ANKFN1: variants seen among roughly 807,000 people sequenced by gnomAD.
ANKFN1 encodes ankyrin repeat and fibronectin type III domain containing 1.
Under a neutral mutation model 108.7 loss-of-function variants are expected in ANKFN1, and 74 were observed. The ratio of observed to expected loss-of-function variants is 0.68; its 90% CI spans 0.56 to 0.83. The LOEUF (loss-of-function observed/expected upper bound fraction) is 0.83. ANKFN1 is among the 40% of genes least tolerant of loss of function. The probability of loss-of-function intolerance (pLI) is 0.00; values close to 1 mark genes in which losing one functional copy is unlikely to be tolerated. For missense variants in ANKFN1, 1,505 were observed against 1,382.3 expected, an observed-to-expected ratio of 1.09 and a Z score of -1.41; for synonymous variants, 547 against 516.2, an observed-to-expected ratio of 1.06 and a Z score of -0.81.
At chr17:56,109,887 T>C (rs1277141621) in intron 4 of ANKFN1, among the ~76,000 whole-genome samples, 4 of 152,204 alleles carry the variant, frequency 2.6e-5, no homozygotes, top group Non-Finnish European at 4.4e-5. Context: ...CTGTTGATAT[T>C]AGAACACAAT....
intron 2 of ANKFN1, 36 bp from the exon 3 acceptor site, chr17:56,227,881 A>G: frequency 1.3e-6 from 2 of 1,574,648 alleles, no homozygotes; most frequent in Non-Finnish European, 1.7e-6. Context: ...TTACTGTACA[A>G]TTTTTTAACA....
In ANKFN1 at chr17:56,141,793, G is replaced by C. The variant is rs150748299; in HGVS notation, c.289-86124G>C. Among the ~76,000 whole-genome samples, 19 of 152,096 alleles carry C rather than the reference G, an allele frequency of 1.2e-4. No homozygotes were observed. In the East Asian group the frequency reaches 3.7e-3, roughly 29 times the overall value. ...GAAGCAGAACAATCAGTGTGGGGGTGGATAATTTCCACAAATTCATGAACT... is the reference window on the plus strand; with the variant it reads ...GAAGCAGAACAATCAGTGTGGGGGTCGATAATTTCCACAAATTCATGAACT... On this transcript the variant is annotated intron_variant, in intron 4 of 12. Transcript: ENST00000635860.
Position 56,480,659 on chromosome 17 carries a change from A to C in ANKFN1, c.1941-9A>C. On this transcript the variant is annotated splice_polypyrimidine_tract_variant and intron_variant, in intron 16 of 20. Coordinates refer to ENST00000682825, the MANE Select transcript of ANKFN1 (RefSeq NM_001370326.1). ...TATATTTCTAATTTTAACTTGACTC[A>C]ACATACAGAGAGGAATGGGAATGGA... 6.2e-7 allele frequency: 1 copy of C among 1,613,272 alleles called. No homozygotes were observed. The highest frequency in any genetic ancestry group is 8.5e-7 in the Non-Finnish European group (1 of 1,179,558).
At chr17:56,495,313 G>GTC (rs150627971) in intron 19 of ANKFN1, among the ~76,000 whole-genome samples, 4,328 of 146,696 alleles carry the variant, frequency 0.03, 171 homozygotes, top group African/African-American at 0.097. Context: ...TGACTTTGTG[G>GTC]TCTCTCTCTC....
intron 2 of ANKFN1, among the ~76,000 whole-genome samples, chr17:56,213,938 A>G (rs1915231377): frequency 6.6e-6 from 1 of 152,212 alleles, no homozygotes; most frequent in African/African-American, 2.4e-5. Context: ...ATATCCACAC[A>G]TCCCAAATGG....
intron 8 of ANKFN1, among the ~76,000 whole-genome samples, chr17:56,418,271 T>C (rs1357012838): frequency 1.3e-5 from 2 of 152,214 alleles, no homozygotes; most frequent in Admixed American, 1.3e-4. Context: ...TCTGTGTTGA[T>C]TTGATGTTCT....
intron 1 of ANKFN1, among the ~76,000 whole-genome samples, chr17:56,193,398 A>G (rs980283468): frequency 5.9e-5 from 9 of 151,546 alleles, no homozygotes; most frequent in African/African-American, 2.2e-4. Context: ...AACTTAAAGT[A>G]TAATTAAAAA....
Position 56,422,449 on chromosome 17 carries a change from G to C in ANKFN1, c.911-17878G>C, listed in dbSNP as rs116114580. Among the ~76,000 whole-genome samples, 457 of 151,000 alleles carry C rather than the reference G, an allele frequency of 3.0e-3. 2 individuals are homozygous for C. The highest frequency in any genetic ancestry group is 0.011 in the African/African-American group (436 of 40,632). On this transcript the variant is annotated intron_variant, in intron 8 of 20. Coordinates refer to ENST00000682825, the MANE Select transcript of ANKFN1 (RefSeq NM_001370326.1). ...CCCTGCTGCCACCACACACATGCAT[G>C]CACACACATGCACACACACACGCAC...
At chr17:56,339,298 G>A (rs1187567215) in intron 4 of ANKFN1, among the ~76,000 whole-genome samples, 5 of 151,784 alleles carry the variant, frequency 3.3e-5, no homozygotes, top group South Asian at 4.2e-4. Context: ...TTTCCTTCTC[G>A]ATGCTTTCTC....
At chr17:56,095,620 T>A (rs1317783324) in intron 4 of ANKFN1, among the ~76,000 whole-genome samples, 1 of 152,142 alleles carries the variant, frequency 6.6e-6, no homozygotes, top group Non-Finnish European at 1.5e-5. Flanking sequence ...TTAATTTGGA[T>A]GAGGTGTCCT....
rs542571231 is a variant in ANKFN1 at position 56,094,647 on chromosome 17, G to T, written c.288+48322G>T. ...GCCTCCCGTGTAGCTGGGACTACAGGCGCACACCACCACGCCCAGCTAATT... is the reference window on the plus strand; with the variant it reads ...GCCTCCCGTGTAGCTGGGACTACAGTCGCACACCACCACGCCCAGCTAATT... On this transcript the variant is annotated intron_variant, in intron 4 of 12. Coordinates refer to the ANKFN1 transcript ENST00000635860. Among the ~76,000 whole-genome samples, 4 of 125,418 alleles carry T rather than the reference G, an allele frequency of 3.2e-5. No homozygotes were observed. In the East Asian group the frequency reaches 9.8e-4, roughly 31 times the overall value. The allele number at this position is 125,418 out of a possible 152,430, so 82.3% of individuals were successfully genotyped here. A position where few individuals can be genotyped will look rare whatever the true frequency, so the allele number is the denominator to read the frequency against.
At chr17:56,172,095 T>C (rs1910741855) in intron 1 of ANKFN1, among the ~76,000 whole-genome samples, 1 of 152,208 alleles carries the variant, frequency 6.6e-6, no homozygotes, top group Non-Finnish European at 1.5e-5. Context: ...TAGTTTATTT[T>C]ATACTCTCTG....
intron 4 of ANKFN1, among the ~76,000 whole-genome samples, chr17:56,086,575 A>G (rs1243682981): frequency 6.6e-6 from 1 of 151,406 alleles, no homozygotes; most frequent in Non-Finnish European, 1.5e-5. Context: ...TTATCAGGCT[A>G]GCCAGAGGCT....
chr17:56,183,889 A>G (rs980907542), intron 1 of ANKFN1, among the ~76,000 whole-genome samples: 1 of 152,204 alleles, frequency 6.6e-6, no homozygotes, highest in Non-Finnish European at 1.5e-5. Context: ...TAAGCAAACT[A>G]AAATTAGAAG....
chr17:56,438,757 G>C (rs893970389), intron 8 of ANKFN1, among the ~76,000 whole-genome samples: 7 of 152,058 alleles, frequency 4.6e-5, no homozygotes, highest in African/African-American at 1.4e-4. Context: ...ACAGAAGGAA[G>C]TTCGAGCTCA....
chr17:56,372,683 A>G lies in ANKFN1; in HGVS notation c.639A>G (p.Thr213=). ...AAAGCCGAGCAATGCACCTCAACACACTGGTCCAGGAAGCCCAGGAGAGGG... is the reference window on the plus strand; with the variant it reads ...AAAGCCGAGCAATGCACCTCAACACGCTGGTCCAGGAAGCCCAGGAGAGGG... The part of the protein sequence containing the change: ...SLESRAMHLN[T]LVQEAQERVS... The change falls in exon 7 of 21, where the codon ACA becomes ACG. Residue 213 remains threonine (T), a synonymous_variant. Coordinates refer to ENST00000682825, the MANE Select transcript of ANKFN1 (RefSeq NM_001370326.1). 6.2e-7 allele frequency: 1 copy of G among 1,613,752 alleles called. No homozygotes were observed. Among genetic ancestry groups the G allele is most frequent in the South Asian group, 1.1e-5 (1 of 91,056 alleles).
intron 8 of ANKFN1, among the ~76,000 whole-genome samples, chr17:56,379,101 T>TTGTGTAGGA (rs1159022257): frequency 3.3e-5 from 5 of 152,118 alleles, no homozygotes; most frequent in Admixed American, 3.3e-4. Context: ...TAGGAATATA[T>TTGTGTAGGA]ACATATAAAA....
chr17:56,128,485 GAGTA>G (rs1433173444), intron 4 of ANKFN1, among the ~76,000 whole-genome samples: 4 of 152,138 alleles, frequency 2.6e-5, no homozygotes, highest in Non-Finnish European at 5.9e-5. Context: ...TTGAGTATAG[GAGTA>G]TAGGGTGTTC....
chr17:56,114,452 C>A (rs1289995778), intron 4 of ANKFN1, among the ~76,000 whole-genome samples: 1 of 152,128 alleles, frequency 6.6e-6, no homozygotes, highest in Non-Finnish European at 1.5e-5. Flanking sequence ...TTTTGAGTGC[C>A]TGTAATGGAC....
Sources: gnomAD v4.1 joint callset for allele counts (sites outside exome capture counted in the v4.1 genomes callset) on GRCh38, gnomAD v4.1.1 for gene constraint, MANE v1.5 for transcripts, NCBI Gene and HGNC (gene_info 2026-07-23, HGNC 2026-07-21) for gene names.